RAP1GAP2: variants seen among roughly 807,000 people sequenced by gnomAD.
RAP1GAP2 encodes the protein RAP1 GTPase activating protein 2.
A neutral mutation model predicts 95.0 loss-of-function variants in RAP1GAP2; 27 were observed. The ratio of observed to expected loss-of-function variants is 0.28; its 90% confidence interval spans 0.21 to 0.39. The LOEUF (loss-of-function observed/expected upper bound fraction) is 0.39, where lower values mean the gene tolerates loss of function less well. RAP1GAP2 is among the 10% of genes least tolerant of loss of function. RAP1GAP2 has a pLI of 1.00. For synonymous variants in RAP1GAP2, 373 were observed against 380.9 expected (o/e 0.98, Z 0.24); for missense variants, 771 against 970.0 (o/e 0.79, Z 2.72).
At chr17:2,841,096 A>G (rs924295173) in intron 2 of RAP1GAP2, among the ~76,000 whole-genome samples, 5 of 151,880 alleles carry the variant, frequency 3.3e-5, no homozygotes, top group African/African-American at 9.7e-5. Flanking sequence ...CAGAGGTTGC[A>G]GTGAGCCGAG....
chr17:3,013,906 A>G (rs1243233884), intron 17 of RAP1GAP2, among the ~76,000 whole-genome samples: 5 of 152,054 alleles, frequency 3.3e-5, no homozygotes, highest in African/African-American at 1.2e-4. Flanking sequence ...TAGATCTTGT[A>G]TGTGAAGCTC....
chr17:3,025,895 G>T (rs1001592664), intron 19 of RAP1GAP2, 113 bp from the exon 20 acceptor site: 3 of 743,258 alleles, frequency 4.0e-6, no homozygotes, highest in Middle Eastern at 2.7e-4. Flanking sequence ...AGGCGGGGGC[G>T]CTCTGACCCC....
chr17:2,905,231 G>C, intron 2 of RAP1GAP2, 53 bp from the exon 3 acceptor site: 1 of 1,537,502 alleles, frequency 6.5e-7, no homozygotes, highest in Non-Finnish European at 9.0e-7. Flanking sequence ...TCTTGGAGGA[G>C]AGAAGGGAAG....
chr17:2,944,161 C>CAAAAAAAAAA (rs36063732), intron 3 of RAP1GAP2, among the ~76,000 whole-genome samples: 6 of 81,772 alleles, frequency 7.3e-5, no homozygotes, highest in Admixed American at 1.5e-4. Flanking sequence ...ACAGCAAAAC[C>CAAAAAAAAAA]AAAAAAAAAA....
intron 1 of RAP1GAP2, among the ~76,000 whole-genome samples, chr17:2,789,337 C>T (rs1219895524): frequency 7.9e-5 from 12 of 152,102 alleles, no homozygotes; most frequent in African/African-American, 2.7e-4. Flanking sequence ...TGTGAGCCAC[C>T]GTGGCCGGCA....
intron 2 of RAP1GAP2, among the ~76,000 whole-genome samples, chr17:2,804,927 C>G (rs940892546): frequency 5.9e-5 from 9 of 152,184 alleles, no homozygotes; most frequent in African/African-American, 2.2e-4. Context: ...CCTTGACGTT[C>G]TAGGAGTTTG....
At chr17:2,821,499 C>T (rs973304341) in intron 2 of RAP1GAP2, among the ~76,000 whole-genome samples, 40 of 151,730 alleles carry the variant, frequency 2.6e-4, no homozygotes, top group Non-Finnish European at 5.1e-4. Context: ...CCTTAGCCTC[C>T]GGAGTAGCTG....
At chr17:2,761,620 G>T (rs1003043223) in intron 1 of RAP1GAP2, among the ~76,000 whole-genome samples, 7 of 152,138 alleles carry the variant, frequency 4.6e-5, no homozygotes, top group Admixed American at 1.3e-4. Flanking sequence ...ATCGTCAAGG[G>T]TATATACAGT....
At chr17:2,972,980 T>G (rs770134725) in intron 8 of RAP1GAP2, among the ~76,000 whole-genome samples, 1 of 152,220 alleles carries the variant, frequency 6.6e-6, no homozygotes, top group African/African-American at 2.4e-5. Flanking sequence ...ACTCATCATC[T>G]TCTTCTTAGG....
At chr17:2,841,343 G>A (rs539264474) in intron 2 of RAP1GAP2, among the ~76,000 whole-genome samples, 153 of 129,374 alleles carry the variant, frequency 1.2e-3, no homozygotes, top group Non-Finnish European at 2.1e-3. Flanking sequence ...TTGCTCTGTC[G>A]CCCAGGCTGG....
chr17:2,950,398 C>T (rs2043875848), intron 3 of RAP1GAP2, among the ~76,000 whole-genome samples: 1 of 151,888 alleles, frequency 6.6e-6, no homozygotes, highest in African/African-American at 2.4e-5. Context: ...CTGGGAAGAC[C>T]AATGAAATCG....
chr17:3,013,111 C>T (rs998847610), intron 17 of RAP1GAP2, among the ~76,000 whole-genome samples: 1 of 152,172 alleles, frequency 6.6e-6, no homozygotes, highest in Non-Finnish European at 1.5e-5. Context: ...TTTCTCCCAG[C>T]CTTTGAGGGA....
At chr17:3,007,908 G>A (rs937298305) in intron 16 of RAP1GAP2, 103 bp from the exon 17 acceptor site, 2 of 1,396,182 alleles carry the variant, frequency 1.4e-6, no homozygotes, top group African/African-American at 2.9e-5. Context: ...GGCCGGGCTG[G>A]GCAGAATGTC....
chr17:2,959,443 AG>A (rs1231367949), intron 4 of RAP1GAP2, among the ~76,000 whole-genome samples: 1 of 152,102 alleles, frequency 6.6e-6, no homozygotes, highest in South Asian at 2.1e-4. Context: ...TGGGTGTTTA[AG>A]TCCCTACCAT....
At chr17:2,983,302 G>A (rs573269235) in intron 10 of RAP1GAP2, among the ~76,000 whole-genome samples, 77 of 151,962 alleles carry the variant, frequency 5.1e-4, no homozygotes, top group African/African-American at 1.8e-3. Flanking sequence ...TGACCAGAAA[G>A]TGTGCCACGG....
intron 3 of RAP1GAP2, among the ~76,000 whole-genome samples, chr17:2,926,485 G>T (rs1192372260): frequency 6.6e-6 from 1 of 152,200 alleles, no homozygotes; most frequent in Non-Finnish European, 1.5e-5. Flanking sequence ...TCGCAGTTTT[G>T]AGGATGGGAG....
chr17:2,872,560 T>G (rs943802666), intron 2 of RAP1GAP2, among the ~76,000 whole-genome samples: 16 of 152,166 alleles, frequency 1.1e-4, no homozygotes, highest in Non-Finnish European at 2.4e-4. Context: ...GGGACAGCCC[T>G]TCCCGGCAGT....
chr17:2,992,702 G>T (rs950941295), intron 12 of RAP1GAP2, among the ~76,000 whole-genome samples: 6 of 152,072 alleles, frequency 3.9e-5, no homozygotes, highest in African/African-American at 1.2e-4. Context: ...GGCACACAGC[G>T]GATATTCACT....
At position 2,870,567 on chromosome 17, in the gene RAP1GAP2, A is replaced by AT. The variant is rs1007192129; in HGVS notation, c.81-34709dup. On this transcript the variant is annotated intron_variant, in intron 2 of 24. Transcript: ENST00000254695. The surrounding 1 kb of genome is among the most constrained non-coding windows in gnomAD (Gnocchi z 4.4). ...GACTGTAGAGATATTAACGTTTAAT[A>AT]TTTTTTTTGTGGTCTTTTTTTTCTA... Among the ~76,000 whole-genome samples the AT allele has an allele frequency of 6.6e-6, 1 of 152,078 alleles. No homozygotes were observed. The highest frequency in any genetic ancestry group is 1.5e-5 in the Non-Finnish European group (1 of 68,000).
Sources: gnomAD v4.1 joint callset for allele counts (sites outside exome capture counted in the v4.1 genomes callset) on GRCh38, gnomAD v4.1.1 for gene constraint, Gnocchi (gnomAD v3.1) non-coding constraint, MANE v1.5 for transcripts, NCBI Gene and HGNC (gene_info 2026-07-23, HGNC 2026-07-21) for gene names.